The following LRRC4C variants were observed in gnomAD, a reference collection of about 807,000 sequenced individuals.
LRRC4C encodes leucine rich repeat containing 4C, also known as leucine-rich repeat-containing protein 4C.
Under a neutral mutation model 33.6 loss-of-function variants are expected in LRRC4C, and 5 were observed. The observed-to-expected ratio is 0.15, with a 90% CI of 0.08 to 0.31. LRRC4C has a LOEUF of 0.31. LRRC4C is among the 10% of genes least tolerant of loss of function. LRRC4C has a pLI of 1.00. For missense variants in LRRC4C, 560 were observed against 796.7 expected (o/e 0.70, Z 3.58); for synonymous variants, 329 against 302.0 (o/e 1.09, Z -0.93).
intron 6 of LRRC4C, among the ~76,000 whole-genome samples, chr11:40,124,548 C>T (rs956163999): frequency 6.6e-6 from 1 of 152,068 alleles, no homozygotes; most frequent in African/African-American, 2.4e-5. Context: ...GTGAAACAAG[C>T]CAAGCACAGA....
At chr11:41,314,299 G>C (rs1236386185) in intron 1 of LRRC4C, among the ~76,000 whole-genome samples, 2 of 152,128 alleles carry the variant, frequency 1.3e-5, no homozygotes, top group African/African-American at 4.8e-5. Flanking sequence ...GTTAAGTTTA[G>C]CCTATGAAGG....
chr11:41,423,052 T>G (rs1299327218), intron 1 of LRRC4C, among the ~76,000 whole-genome samples: 3 of 152,144 alleles, frequency 2.0e-5, no homozygotes, highest in Non-Finnish European at 2.9e-5. Flanking sequence ...AATGACAACA[T>G]GTCGGTTAAT....
At chr11:40,189,791 G>A (rs527299222) in intron 5 of LRRC4C, among the ~76,000 whole-genome samples, 77 of 152,258 alleles carry the variant, frequency 5.1e-4, no homozygotes, top group African/African-American at 1.7e-3. Context: ...TGAGCATGAC[G>A]GAAATAGTTT....
At chr11:40,752,571 G>A (rs901512201) in intron 2 of LRRC4C, among the ~76,000 whole-genome samples, 1 of 151,644 alleles carries the variant, frequency 6.6e-6, no homozygotes, top group African/African-American at 2.4e-5. Flanking sequence ...AGTTACAATG[G>A]CTATTACTAA....
intron 2 of LRRC4C, among the ~76,000 whole-genome samples, chr11:40,744,649 T>C (rs367718609): frequency 9.9e-5 from 15 of 152,154 alleles, no homozygotes; most frequent in African/African-American, 2.7e-4. Flanking sequence ...CTGGGATGAA[T>C]GAATAAACAA....
intron 2 of LRRC4C, among the ~76,000 whole-genome samples, chr11:40,678,995 A>G (rs1281233593): frequency 6.6e-6 from 1 of 152,178 alleles, no homozygotes; most frequent in African/African-American, 2.4e-5. Flanking sequence ...CTCCCTACAC[A>G]CTTGTTGAAT....
chr11:40,587,853 T>G (rs1036219362), intron 3 of LRRC4C, among the ~76,000 whole-genome samples: 1 of 152,224 alleles, frequency 6.6e-6, no homozygotes, highest in African/African-American at 2.4e-5. Flanking sequence ...ATAAGCTTTT[T>G]GATGTGCTGC....
intron 1 of LRRC4C, among the ~76,000 whole-genome samples, chr11:41,021,238 A>G (rs1855963545): frequency 7.0e-6 from 1 of 143,116 alleles, no homozygotes; most frequent in South Asian, 2.3e-4. Context: ...TGTGTTTAAG[A>G]AAATTTAATT....
At chr11:40,771,531 C>A (rs1305551947) in intron 2 of LRRC4C, among the ~76,000 whole-genome samples, 1 of 152,206 alleles carries the variant, frequency 6.6e-6, no homozygotes, top group African/African-American at 2.4e-5. Context: ...ATTTCTGCAG[C>A]TGGCTTGAAT....
chr11:40,604,392 A>C (rs1187056412), intron 3 of LRRC4C, among the ~76,000 whole-genome samples: 1 of 152,086 alleles, frequency 6.6e-6, no homozygotes, highest in African/African-American at 2.4e-5. Context: ...TCTTACTTAC[A>C]TTTCTTCTCT....
chr11:40,627,848 G>T (rs1024588218), intron 3 of LRRC4C, among the ~76,000 whole-genome samples: 1 of 152,106 alleles, frequency 6.6e-6, no homozygotes, highest in Non-Finnish European at 1.5e-5. Flanking sequence ...CTATAGAAAG[G>T]CTCCAGCTCT....
At position 40,315,688 on chromosome 11, in the gene LRRC4C, G is replaced by A. The variant is rs561699767; in HGVS notation, c.-176+3940C>T. Among the ~76,000 whole-genome samples, 63 of 151,980 alleles carry A rather than the reference G, an allele frequency of 4.1e-4. 1 individual carries two copies. The South Asian group carries it at 0.012, about 30-fold the overall frequency. ...TTACAATACTCTAATGATCATGCCTGTAGATATGTCTTCATTTGTCCACTG... is the reference window on the plus strand; with the variant it reads ...TTACAATACTCTAATGATCATGCCTATAGATATGTCTTCATTTGTCCACTG... On this transcript the variant is annotated intron_variant, in intron 4 of 6. Transcript: ENST00000528697.
At chr11:40,858,576 C>T (rs1195675748) in intron 2 of LRRC4C, among the ~76,000 whole-genome samples, 1 of 150,406 alleles carries the variant, frequency 6.6e-6, no homozygotes, top group Non-Finnish European at 1.5e-5. Context: ...ATGCCTGTAA[C>T]ACAGTTACTC....
intron 1 of LRRC4C, among the ~76,000 whole-genome samples, chr11:41,215,223 C>T (rs573353675): frequency 1.1e-4 from 17 of 151,640 alleles, no homozygotes; most frequent in Non-Finnish European, 2.4e-4. Context: ...AGTAGTGGCT[C>T]ACGTCTGTAA....
chr11:40,534,316 T>A lies in LRRC4C; in HGVS notation c.-270+113826A>T, dbSNP rs566294266. ...GCCATGTTTGCCTCCAGTTTATTAA[T>A]CTTATGGCATATATATATGTGTATA... is the stretch of plus-strand genomic sequence containing the variant. On this transcript the variant is annotated intron_variant, in intron 3 of 6. Transcript: ENST00000528697. Among the ~76,000 whole-genome samples, 16 of 152,274 alleles carry A rather than the reference T, an allele frequency of 1.1e-4. No homozygotes were observed. In the South Asian group the frequency reaches 3.3e-3, roughly 32 times the overall value.
At chr11:40,849,936 T>C (rs1303382503) in intron 2 of LRRC4C, among the ~76,000 whole-genome samples, 1 of 151,696 alleles carries the variant, frequency 6.6e-6, no homozygotes, top group Non-Finnish European at 1.5e-5. Flanking sequence ...TTGATATTTC[T>C]GTATGCTTCA....
At chr11:40,317,780 G>C (rs1397121004) in intron 4 of LRRC4C, among the ~76,000 whole-genome samples, 1 of 152,016 alleles carries the variant, frequency 6.6e-6, no homozygotes, top group Non-Finnish European at 1.5e-5. Context: ...TTAAAGGTAG[G>C]AAGCAGCTTA....
chr11:40,620,495 T>C (rs1312526237), intron 3 of LRRC4C, among the ~76,000 whole-genome samples: 1 of 151,788 alleles, frequency 6.6e-6, no homozygotes, highest in Non-Finnish European at 1.5e-5. Context: ...TTGATTCAAT[T>C]GGTATTATAC....
At chr11:40,388,054 T>C (rs1949181228) in intron 3 of LRRC4C, among the ~76,000 whole-genome samples, 1 of 152,170 alleles carries the variant, frequency 6.6e-6, no homozygotes, top group Admixed American at 6.6e-5. Flanking sequence ...ACCCTTGATC[T>C]GATTTTTCAT....
Sources: gnomAD v4.1 joint callset for allele counts (sites outside exome capture counted in the v4.1 genomes callset) on GRCh38, gnomAD v4.1.1 for gene constraint, MANE v1.5 for transcripts, NCBI Gene and HGNC (gene_info 2026-07-23, HGNC 2026-07-21) for gene names.